LY96: variants seen among roughly 807,000 people sequenced by gnomAD.
The protein encoded by LY96 is myeloid differentiation protein-2.
In LY96, 18 loss-of-function variants were observed where a neutral mutation model predicts 18.9. The observed-to-expected ratio is 0.95, with a 90% CI of 0.66 to 1.41. The LOEUF (loss-of-function observed/expected upper bound fraction) is 1.41. LY96 is among the 40% of genes most tolerant of loss of function. The probability of loss-of-function intolerance (pLI) is 0.00; values close to 1 mark genes in which losing one functional copy is unlikely to be tolerated. For synonymous variants in LY96, 66 were observed against 62.6 expected, an observed-to-expected ratio of 1.06 and a Z score of -0.26; for missense variants, 175 against 182.4, an observed-to-expected ratio of 0.96 and a Z score of 0.23.
chr8:74,081,036 T>TC, the LY96 span, among the ~76,000 whole-genome samples: 438 of 124,694 alleles, frequency 3.5e-3, 9 homozygotes, highest in African/African-American at 0.016. Context: ...CTTTCTTTCT[T>TC]TCTTTCTTTC....
the LY96 span, among the ~76,000 whole-genome samples, chr8:74,076,669 G>A: frequency 0.024 from 3,644 of 152,148 alleles, 123 homozygotes; most frequent in African/African-American, 0.081. Flanking sequence ...TACAGACTGG[G>A]TATCCAATGA....
chr8:74,095,480 T>A, the LY96 span, among the ~76,000 whole-genome samples: 1 of 152,164 alleles, frequency 6.6e-6, no homozygotes, highest in Non-Finnish European at 1.5e-5. Flanking sequence ...ATCCTTCCTG[T>A]GGGGAAAAAC....
At chr8:74,048,836 A>G in the LY96 span, 10 of 152,266 alleles carry the variant, frequency 6.6e-5, no homozygotes, top group African/African-American at 2.4e-4. Flanking sequence ...AGAAAGAAAG[A>G]AAGAAGAAAA....
chr8:74,008,972 T>C (rs1436876930), intron 2 of LY96, among the ~76,000 whole-genome samples: 3 of 152,194 alleles, frequency 2.0e-5, no homozygotes, highest in South Asian at 2.1e-4. Flanking sequence ...CTGTTAAGCA[T>C]AGCCAAGTTC....
At chr8:74,071,326 T>G in the LY96 span, among the ~76,000 whole-genome samples, 1 of 151,572 alleles carries the variant, frequency 6.6e-6, no homozygotes, top group Admixed American at 6.6e-5. Context: ...ATGTTTTTTT[T>G]GTAGAATCAG....
At chr8:74,078,079 A>G in the LY96 span, among the ~76,000 whole-genome samples, 1 of 151,800 alleles carries the variant, frequency 6.6e-6, no homozygotes, top group East Asian at 1.9e-4. Flanking sequence ...CTGCACTCCA[A>G]CCCGAGTGAC....
chr8:74,059,076 G>A, the LY96 span, among the ~76,000 whole-genome samples: 3 of 152,116 alleles, frequency 2.0e-5, no homozygotes, highest in African/African-American at 7.2e-5. Flanking sequence ...ATTGGGGAAG[G>A]CCATCATCTT....
intron 3 of LY96, among the ~76,000 whole-genome samples, 187 bp downstream of exon 3, chr8:74,010,316 T>G (rs1490658050): frequency 1.3e-5 from 2 of 152,176 alleles, no homozygotes; most frequent in Non-Finnish European, 2.9e-5. Flanking sequence ...GGATGACACT[T>G]ACATGATTTG....
intron 4 of LY96, among the ~76,000 whole-genome samples, chr8:74,027,043 A>G (rs1185825841): frequency 6.6e-6 from 1 of 150,446 alleles, no homozygotes; most frequent in Non-Finnish European, 1.5e-5. Flanking sequence ...CACCCCAAGC[A>G]ATCCTCCTGC....
At chr8:74,038,289 T>A in the LY96 span, among the ~76,000 whole-genome samples, 1 of 152,168 alleles carries the variant, frequency 6.6e-6, no homozygotes. Context: ...TAGGTATTAC[T>A]CATCTTTTAA....
chr8:74,088,793 C>G, the LY96 span, among the ~76,000 whole-genome samples: 2 of 152,150 alleles, frequency 1.3e-5, no homozygotes, highest in African/African-American at 4.8e-5. Flanking sequence ...ACAGTGTTGG[C>G]CAGGCTAGTC....
At chr8:74,038,970 T>C in the LY96 span, among the ~76,000 whole-genome samples, 1 of 152,232 alleles carries the variant, frequency 6.6e-6, no homozygotes, top group East Asian at 1.9e-4. Context: ...TTTACATTCA[T>C]GCCAACTAAT....
the LY96 span, among the ~76,000 whole-genome samples, chr8:74,084,078 C>G: frequency 1.3e-4 from 19 of 151,174 alleles, no homozygotes; most frequent in Admixed American, 1.2e-3. Context: ...GATGTTTTCT[C>G]CAGTAGAGTT....
At chr8:74,011,461 A>C (rs1483590888) in intron 3 of LY96, among the ~76,000 whole-genome samples, 1 of 152,268 alleles carries the variant, frequency 6.6e-6, no homozygotes, top group African/African-American at 2.4e-5. Flanking sequence ...GTAGTATATG[A>C]GAAAAAATTC....
chr8:74,069,897 C>T, the LY96 span, among the ~76,000 whole-genome samples: 12,532 of 152,126 alleles, frequency 0.082, 882 homozygotes, highest in African/African-American at 0.2. Flanking sequence ...CCACTGTGCC[C>T]GGCCCATTTA....
chr8:74,054,644 C>A, the LY96 span, among the ~76,000 whole-genome samples: 1 of 122,754 alleles, frequency 8.1e-6, no homozygotes, highest in African/African-American at 3.1e-5. Context: ...TTCTTTCTTT[C>A]TTTCTTTCTT....
chr8:74,088,082 G>GT, the LY96 span, among the ~76,000 whole-genome samples: 11 of 70,024 alleles, frequency 1.6e-4, no homozygotes, highest in Non-Finnish European at 3.1e-5. Flanking sequence ...TTCACTGAGA[G>GT]AAGAATAGAA....
At chr8:74,060,589 GA>G in the LY96 span, among the ~76,000 whole-genome samples, 1 of 152,180 alleles carries the variant, frequency 6.6e-6, no homozygotes, top group Non-Finnish European at 1.5e-5. Context: ...AATATATGTC[GA>G]AAGACTGATG....
At chr8:74,044,907 T>C in the LY96 span, among the ~76,000 whole-genome samples, 1 of 152,252 alleles carries the variant, frequency 6.6e-6, no homozygotes, top group African/African-American at 2.4e-5. Context: ...AAAGAAACTT[T>C]ACTTCGAAAT....
Sources: allele counts gnomAD v4.1 joint callset (sites outside exome capture counted in the v4.1 genomes callset), GRCh38; gene constraint gnomAD v4.1.1; transcripts MANE v1.5; gene names NCBI Gene and HGNC (gene_info 2026-07-23, HGNC 2026-07-21).